The following TRAF3IP2 variants were observed in gnomAD, a reference collection of about 807,000 sequenced individuals.
The protein encoded by TRAF3IP2 is E3 ubiquitin ligase TRAF3IP2.
A neutral mutation model predicts 57.9 loss-of-function variants in TRAF3IP2; 35 were observed. The ratio of observed to expected loss-of-function variants is 0.60; its 90% CI spans 0.46 to 0.80. The LOEUF is 0.80. Among genes scored for constraint, TRAF3IP2 ranks in the 30% least tolerant of loss-of-function variants. TRAF3IP2 has a pLI of 0.00. For missense variants in TRAF3IP2, 556 were observed against 706.4 expected (o/e 0.79, Z 2.41); for synonymous variants, 251 against 268.9 (o/e 0.93, Z 0.65).
At chr6:111,580,576 CT>C (rs1018674186) in intron 2 of TRAF3IP2, among the ~76,000 whole-genome samples, 187 bp from the exon 3 acceptor site, 1 of 152,152 alleles carries the variant, frequency 6.6e-6, no homozygotes, top group Non-Finnish European at 1.5e-5. Flanking sequence ...ACGAAATTCA[CT>C]TTTTTTTGTC....
intron 3 of TRAF3IP2, among the ~76,000 whole-genome samples, chr6:111,579,797 G>GT (rs1324084699): frequency 6.6e-6 from 1 of 152,160 alleles, no homozygotes; most frequent in Non-Finnish European, 1.5e-5. Flanking sequence ...ACATTTTAAA[G>GT]TAAGAAATAG....
chr6:111,565,549 C>G (rs1050923344), intron 7 of TRAF3IP2, among the ~76,000 whole-genome samples: 1 of 152,126 alleles, frequency 6.6e-6, no homozygotes, highest in African/African-American at 2.4e-5. Flanking sequence ...ATATGGGCAC[C>G]CACTGGGAAC....
chr6:111,589,647 G>T (rs112724847), intron 2 of TRAF3IP2, among the ~76,000 whole-genome samples: 1 of 151,956 alleles, frequency 6.6e-6, no homozygotes, highest in South Asian at 2.1e-4. Context: ...TCTTTCTCCC[G>T]CTCCAGCCCA....
At position 111,566,537 on chromosome 6, in the gene TRAF3IP2, T is replaced by C; in HGVS notation, c.1383A>G (p.Ala461=). 6.2e-7 allele frequency: 1 copy of C among 1,614,184 alleles called. No individual in the cohort carries two copies. Among genetic ancestry groups the C allele is most frequent in the Admixed American group, 1.7e-5 (1 of 60,028 alleles). The change falls in exon 7 of 9, where the codon GCA becomes GCG. Residue 461 remains alanine, a synonymous_variant. Coordinates refer to ENST00000368761, the MANE Select transcript of TRAF3IP2 (RefSeq NM_147686.4). ...CGTCCTGTTTGTATTTGGGGCTGAT[T>C]GCTACGATTATCATCACGGTCTTCT... The part of the protein sequence containing the change: ...LRDKTVMIIV[A]ISPKYKQDVE...
intron 2 of TRAF3IP2, among the ~76,000 whole-genome samples, chr6:111,581,330 T>C (rs1796158123): frequency 6.6e-6 from 1 of 152,164 alleles, no homozygotes; most frequent in Non-Finnish European, 1.5e-5. Context: ...GTGAGCCACA[T>C]GGTAGCCCTG....
intron 1 of TRAF3IP2, among the ~76,000 whole-genome samples, chr6:111,592,428 G>T (rs1796551959): frequency 6.6e-6 from 1 of 152,216 alleles, no homozygotes; most frequent in African/African-American, 2.4e-5. Context: ...GCTGCTTCGT[G>T]TGTGCTTGGA....
In TRAF3IP2 at chr6:111,575,761, G is replaced by A. The variant is rs1194154553; in HGVS notation, c.1083C>T (p.Cys361=). ...GAACCTGTGGTCTCAGCTCTGCAGG[G>A]CACTCCAAGGACTCCCCAGGAGCAC... ...RAGAPGESLE[C]PAELRPQVPQ... Residue 361 remains cysteine (C), a synonymous_variant, in exon 4 of 9, where the codon TGC becomes TGT. Transcript: ENST00000368761. The A allele has an allele frequency of 1.2e-6, 2 of 1,611,462 alleles. No individual in the cohort carries two copies. Among genetic ancestry groups the A allele is most frequent in the Non-Finnish European group, 1.7e-6 (2 of 1,179,178 alleles).
rs966280671 is a variant in TRAF3IP2 at position 111,591,114 on chromosome 6, A to G, written c.829+144T>C. 7.1e-6 allele frequency: 4 copies of G among 560,754 alleles called. No homozygotes were observed. In the South Asian group the frequency reaches 1.9e-4, roughly 27 times the overall value. 34.7% of individuals were successfully genotyped at this position (560,754 alleles called of 1,614,324 possible). ...AGGCCCTTTGCAAATCCAGCCACAC[A>G]TGGAAAGCCCCTAAGAGAAGCAGAA... On this transcript the variant is annotated intron_variant, in intron 2 of 8. Coordinates refer to ENST00000368761, the MANE Select transcript of TRAF3IP2 (RefSeq NM_147686.4). The surrounding 1 kb of genome is among the most constrained non-coding windows in gnomAD (Gnocchi z 4.9).
At chr6:111,604,273 C>A (rs897674571) in intron 1 of TRAF3IP2, among the ~76,000 whole-genome samples, 1 of 152,134 alleles carries the variant, frequency 6.6e-6, no homozygotes, top group Non-Finnish European at 1.5e-5. Flanking sequence ...TCTGTGTATC[C>A]GCCATCTAAT....
intron 4 of TRAF3IP2, chr6:111,573,982 G>A (rs542141399): frequency 7.9e-5 from 12 of 152,198 alleles, no homozygotes; most frequent in African/African-American, 2.9e-4. Context: ...ATATATAGAT[G>A]GCACTCAATT....
At chr6:111,571,078 C>CTT (rs1279272695) in intron 5 of TRAF3IP2, among the ~76,000 whole-genome samples, 1 of 130,750 alleles carries the variant, frequency 7.6e-6, no homozygotes, top group Non-Finnish European at 1.7e-5. Flanking sequence ...ACTTTTTTTT[C>CTT]TTTTTTTTTT....
chr6:111,560,293 A>G (rs1583211087), intron 8 of TRAF3IP2, among the ~76,000 whole-genome samples: 1 of 152,198 alleles, frequency 6.6e-6, no homozygotes, highest in Non-Finnish European at 1.5e-5. Flanking sequence ...CCAGGCAGAT[A>G]GGAGAGTCAG....
At chr6:111,604,784 T>G (rs1796970559) in intron 1 of TRAF3IP2, among the ~76,000 whole-genome samples, 1 of 152,180 alleles carries the variant, frequency 6.6e-6, no homozygotes. Context: ...AGTCCTTTCC[T>G]CAAGGGGGTA....
chr6:111,588,714 CAT>C (rs1450148994), intron 2 of TRAF3IP2, among the ~76,000 whole-genome samples: 1 of 152,158 alleles, frequency 6.6e-6, no homozygotes, highest in African/African-American at 2.4e-5. Context: ...CAGTTAAAAA[CAT>C]ATGTATGCAA....
chr6:111,598,373 A>G (rs1796762123), intron 1 of TRAF3IP2: 1 of 158,012 alleles, frequency 6.3e-6, no homozygotes, highest in Non-Finnish European at 1.4e-5. Context: ...GTATGAAATG[A>G]AGAGGCTACG....
intron 1 of TRAF3IP2, among the ~76,000 whole-genome samples, chr6:111,596,602 C>T (rs756707009): frequency 1.2e-4 from 18 of 152,104 alleles, no homozygotes; most frequent in Non-Finnish European, 1.9e-4. Flanking sequence ...TACAGGTGTG[C>T]GCCACTGCGT....
At position 111,557,431 on chromosome 6, in the gene TRAF3IP2, T is replaced by G. The variant is rs1286656475; in HGVS notation, c.*1974A>C. 3.5e-5 allele frequency: 5 copies of G among 144,462 alleles called. No homozygotes were observed. The highest frequency in any genetic ancestry group is 1.0e-4 in the African/African-American group (4 of 38,554). 8.9% of individuals were successfully genotyped at this position (144,462 alleles called of 1,614,324 possible). A position where few individuals can be genotyped will look rare whatever the true frequency, so the allele number is the denominator to read the frequency against. On this transcript the variant is annotated 3_prime_UTR_variant, in exon 9 of 9. Transcript: ENST00000368761. ...CCTGAGGGTATTGTTGAAGTTTTTT[T>G]TTTTTTTTTTTTTTTTGAGACGGAG... is the stretch of plus-strand genomic sequence containing the variant.
chr6:111,563,108 A>G, intron 7 of TRAF3IP2, 69 bp from the exon 8 acceptor site: 2 of 1,149,206 alleles, frequency 1.7e-6, no homozygotes, highest in South Asian at 2.6e-5. Context: ...ACCCATAATC[A>G]TGCACGTCCA....
chr6:111,587,301 G>C lies in TRAF3IP2; in HGVS notation c.829+3957C>G, dbSNP rs1796370576. ...GACTGAGTCTCATTCTGTTGACCAG[G>C]CTGGAGTGCAGTGGCGCGATCTCAG... On this transcript the variant is annotated intron_variant, in intron 2 of 8. Coordinates refer to ENST00000368761, the MANE Select transcript of TRAF3IP2 (RefSeq NM_147686.4). Among the ~76,000 whole-genome samples the C allele has an allele frequency of 2.0e-5, 3 of 151,868 alleles. 1 individual carries two copies. The South Asian group carries it at 6.3e-4, about 32-fold the overall frequency.
Sources: allele counts gnomAD v4.1 joint callset (sites outside exome capture counted in the v4.1 genomes callset), GRCh38; gene constraint gnomAD v4.1.1; non-coding constraint Gnocchi (gnomAD v3.1); transcripts MANE v1.5; gene names NCBI Gene and HGNC (gene_info 2026-07-23, HGNC 2026-07-21).